The following TENM3 variants were observed in gnomAD, a reference collection of about 807,000 sequenced individuals.
The protein encoded by TENM3 is teneurin transmembrane protein 3, also known as teneurin-3.
A neutral mutation model predicts 255.1 loss-of-function variants in TENM3; 63 were observed. That is an observed-to-expected ratio of 0.25 (90% CI 0.20 to 0.30). The LOEUF (loss-of-function observed/expected upper bound fraction) is 0.30. Among genes scored for constraint, TENM3 ranks in the 10% least tolerant of loss-of-function variants. The pLI, the probability that TENM3 is intolerant of heterozygous loss-of-function variation, is 1.00. For synonymous variants in TENM3, 1,306 were observed against 1,322.3 expected (o/e 0.99, Z 0.27); for missense variants, 2,929 against 3,461.1 (o/e 0.85, Z 3.86).
intron 12 of TENM3, among the ~76,000 whole-genome samples, chr4:182,690,037 C>G (rs183105928): frequency 3.1e-4 from 47 of 152,288 alleles, no homozygotes; most frequent in Non-Finnish European, 1.5e-5. Context: ...CACCAAAATT[C>G]CAACTCTCCT....
chr4:181,711,918 G>C, the TENM3 span, among the ~76,000 whole-genome samples: 2 of 152,156 alleles, frequency 1.3e-5, no homozygotes, highest in African/African-American at 2.4e-5. Flanking sequence ...TGTAGTGTTT[G>C]AACAGAGCCT....
chr4:181,732,693 AAAG>A, the TENM3 span, among the ~76,000 whole-genome samples: 2 of 152,132 alleles, frequency 1.3e-5, no homozygotes, highest in African/African-American at 4.8e-5. Context: ...CAAACCAAGA[AAAG>A]AAGGGCAAAA....
At chr4:182,219,508 T>A (rs986148547) in intron 1 of TENM3, among the ~76,000 whole-genome samples, 2 of 151,520 alleles carry the variant, frequency 1.3e-5, no homozygotes, top group African/African-American at 4.9e-5. Flanking sequence ...TAGAAAAAAT[T>A]TAAAAAATTA....
At chr4:181,484,540 A>T in the TENM3 span, among the ~76,000 whole-genome samples, 1 of 152,186 alleles carries the variant, frequency 6.6e-6, no homozygotes, top group Non-Finnish European at 1.5e-5. Context: ...ATTCAAATTC[A>T]ATCTAAATTT....
At chr4:181,868,162 C>T in the TENM3 span, among the ~76,000 whole-genome samples, 59 of 151,998 alleles carry the variant, frequency 3.9e-4, no homozygotes, top group African/African-American at 1.3e-3. Flanking sequence ...ACAAAGGGAG[C>T]ACATCCTTTC....
chr4:182,358,559 G>C (rs1018688510), intron 3 of TENM3, among the ~76,000 whole-genome samples: 50 of 152,180 alleles, frequency 3.3e-4, no homozygotes, highest in African/African-American at 9.6e-4. Context: ...GATTTTTGTA[G>C]ATTGATTTTG....
chr4:182,629,321 ATC>A (rs561141498), intron 5 of TENM3, among the ~76,000 whole-genome samples: 190 of 152,232 alleles, frequency 1.2e-3, no homozygotes, highest in African/African-American at 4.4e-3. Flanking sequence ...TGTAAAACTC[ATC>A]ACTCAGGGCC....
the TENM3 span, among the ~76,000 whole-genome samples, chr4:181,657,289 A>C: frequency 6.6e-6 from 1 of 152,350 alleles, no homozygotes; most frequent in East Asian, 1.9e-4. Flanking sequence ...ACAGTAACTT[A>C]ATAAATACAT....
the TENM3 span, among the ~76,000 whole-genome samples, chr4:181,491,363 T>C: frequency 4.6e-5 from 7 of 152,072 alleles, no homozygotes; most frequent in Admixed American, 4.6e-4. Flanking sequence ...GAAGCACTTT[T>C]GAGAAAGTAA....
chr4:182,605,486 A>T (rs76635133), intron 4 of TENM3, among the ~76,000 whole-genome samples: 2 of 45,434 alleles, frequency 4.4e-5, no homozygotes, highest in South Asian at 4.4e-4. Flanking sequence ...TCATTTATTT[A>T]AAAAAAAAAA....
rs780337859 is a variant in TENM3, at chr4:182,730,277, A to G, written c.2663A>G (p.His888Arg). Residue 888 changes from histidine to arginine, a missense_variant, in exon 15 of 28, where the codon CAT (histidine) becomes CGT (arginine). By Grantham distance (29) the His-to-Arg change is conservative. Around this residue, in one of 6 missense-constraint regions of TENM3, gnomAD observed 1,608 missense variants for 1,884.4 expected, o/e 0.85. Transcript: ENST00000511685. ...ATTGGAGTAAATGTCTCGTTTTTCC[A>G]TTACCCAGAATATGGATATACTATT... ...PLIGVNVSFF[H>R]YPEYGYTITR... 5.5e-5 allele frequency: 88 copies of G among 1,613,754 alleles called. No homozygotes were observed. The highest frequency in any genetic ancestry group is 1.6e-4 in the Middle Eastern group (1 of 6,082).
the TENM3 span, among the ~76,000 whole-genome samples, chr4:181,681,515 T>C: frequency 6.6e-6 from 1 of 152,178 alleles, no homozygotes; most frequent in African/African-American, 2.4e-5. Context: ...AGTATTTTTC[T>C]TTATTGCCTA....
chr4:182,601,066 G>C lies in TENM3; in HGVS notation c.654G>C (p.Pro218=), dbSNP rs200512896. The change falls in exon 4 of 28, where the codon CCG becomes CCC. Residue 218 remains proline, a synonymous_variant. Transcript: ENST00000511685. ...ATAGAAGGAACCAGAGTCCGGCCCC[G>C]CCGGCTGCTTTGCCCGCCGAGCTGC... ...LTNRRNQSPA[P]PAALPAELQT... 1.9e-4 allele frequency: 310 copies of C among 1,613,566 alleles called. 1 individual carries two copies. The highest frequency in any genetic ancestry group is 2.3e-5 in the Non-Finnish European group (27 of 1,179,850).
the TENM3 span, among the ~76,000 whole-genome samples, chr4:181,892,036 G>A: frequency 6.6e-6 from 1 of 152,118 alleles, no homozygotes; most frequent in South Asian, 2.1e-4. Flanking sequence ...TAGACTGGAG[G>A]CTCACCAGAC....
At chr4:182,339,449 T>C (rs906375775) in intron 2 of TENM3, among the ~76,000 whole-genome samples, 10 of 152,308 alleles carry the variant, frequency 6.6e-5, no homozygotes, top group Admixed American at 5.9e-4. Flanking sequence ...CCTAACTGAT[T>C]GTTAACTAAT....
At chr4:182,559,698 T>C (rs954417967) in intron 3 of TENM3, among the ~76,000 whole-genome samples, 6 of 152,314 alleles carry the variant, frequency 3.9e-5, no homozygotes, top group South Asian at 4.1e-4. Context: ...TTTTAAGCTT[T>C]ATTTCATTCA....
At chr4:182,106,876 G>C in the TENM3 span, among the ~76,000 whole-genome samples, 1 of 152,050 alleles carries the variant, frequency 6.6e-6, no homozygotes, top group Non-Finnish European at 1.5e-5. Context: ...GGACACCAAG[G>C]GTGAGATAAT....
At chr4:181,888,494 G>GTATATATATGTATATA in the TENM3 span, among the ~76,000 whole-genome samples, 1,421 of 27,984 alleles carry the variant, frequency 0.051, 80 homozygotes, top group Middle Eastern at 0.13. Flanking sequence ...ATAGAAATGT[G>GTATATATATGTATATA]TATATATATA....
the TENM3 span, among the ~76,000 whole-genome samples, chr4:181,573,685 A>G: frequency 6.6e-6 from 1 of 152,240 alleles, no homozygotes; most frequent in African/African-American, 2.4e-5. Flanking sequence ...ATTTGCTGCC[A>G]AAATTTGAAC....
Sources: gnomAD v4.1 joint callset for allele counts (sites outside exome capture counted in the v4.1 genomes callset) on GRCh38, gnomAD v4.1.1 for gene constraint, gnomAD v4.1.1 regional missense constraint, MANE v1.5 for transcripts, NCBI Gene and HGNC (gene_info 2026-07-23, HGNC 2026-07-21) for gene names.